Variants in NFAM1 observed in about 807,000 individuals in gnomAD.
NFAM1 encodes NFAT activation molecule 1.
In NFAM1, 17 loss-of-function variants were observed where a neutral mutation model predicts 29.0. The observed-to-expected ratio is 0.59, with a 90% CI of 0.40 to 0.88. The LOEUF (loss-of-function observed/expected upper bound fraction) is 0.88, where lower values mean the gene tolerates loss of function less well. Ranked by LOEUF, NFAM1 falls within the 40% of genes least tolerant of loss-of-function variation. The pLI, the probability that NFAM1 is intolerant of heterozygous loss-of-function variation, is 0.00. For synonymous variants in NFAM1, 175 were observed against 147.2 expected, an observed-to-expected ratio of 1.19 and a Z score of -1.36; for missense variants, 324 against 344.6, an observed-to-expected ratio of 0.94 and a Z score of 0.47.
Position 42,409,368 on chromosome 22 carries a change from G to A in NFAM1, c.564+67C>T. On this transcript the variant is annotated intron_variant, in intron 3 of 5. Transcript: ENST00000329021. The surrounding 1 kb of genome is among the most constrained non-coding windows in gnomAD (Gnocchi z 4.9). ...CAGGGCCCACCAAACGCCCTGCAGA[G>A]GGCAGGCGGGCAGCCGGTGGCGTGT... 1 of 839,240 alleles carries A rather than the reference G, an allele frequency of 1.2e-6. No individual in the cohort carries two copies. The highest frequency in any genetic ancestry group is 1.8e-6 in the Non-Finnish European group (1 of 556,078). 52.0% of individuals were successfully genotyped at this position (839,240 alleles called of 1,614,324 possible). A position where few individuals can be genotyped will look rare whatever the true frequency, so the allele number is the denominator to read the frequency against.
intron 1 of NFAM1, among the ~76,000 whole-genome samples, chr22:42,430,512 A>T (rs1310694959): frequency 7.2e-6 from 1 of 138,876 alleles, no homozygotes; most frequent in Non-Finnish European, 1.5e-5. Flanking sequence ...GTGAACCAAG[A>T]TGGCGCCATT....
Position 42,411,023 on chromosome 22 carries a change from T to C in NFAM1, c.451+384A>G, listed in dbSNP as rs909289836. ...ATTCTCTATTTCTTTTCTTTTCTTT[T>C]TTTTTTTTTTTTTTTTTTGAGATGG... On this transcript the variant is annotated intron_variant, in intron 2 of 5. Coordinates refer to ENST00000329021, the MANE Select transcript of NFAM1 (RefSeq NM_145912.8). Among the ~76,000 whole-genome samples the C allele has an allele frequency of 3.0e-4, 16 of 53,684 alleles. No individual in the cohort carries two copies. In the East Asian group the frequency reaches 3.0e-3, roughly 10 times the overall value. 35.2% of individuals were successfully genotyped at this position (53,684 alleles called of 152,430 possible).
At chr22:42,431,594 G>A (rs947311971) in intron 1 of NFAM1, among the ~76,000 whole-genome samples, 2 of 152,126 alleles carry the variant, frequency 1.3e-5, no homozygotes, top group East Asian at 1.9e-4. Context: ...CTCGGATCCC[G>A]GCCACCCAGC....
intron 2 of NFAM1, among the ~76,000 whole-genome samples, chr22:42,410,852 G>C (rs1930058418): frequency 6.6e-6 from 1 of 152,030 alleles, no homozygotes; most frequent in African/African-American, 2.4e-5. Context: ...AGCTCTTTTA[G>C]GTCACCTGCC....
intron 4 of NFAM1, among the ~76,000 whole-genome samples, chr22:42,396,979 G>T (rs894053750): frequency 7.5e-6 from 1 of 132,522 alleles, no homozygotes; most frequent in South Asian, 2.4e-4. Flanking sequence ...AACCTGCAGG[G>T]CCCCAGAAGG....
intron 5 of NFAM1, among the ~76,000 whole-genome samples, chr22:42,386,328 C>T (rs1400253910): frequency 6.6e-6 from 1 of 151,526 alleles, no homozygotes; most frequent in Non-Finnish European, 1.5e-5. Context: ...GAGCTGAGAT[C>T]GCGCCACTGC....
chr22:42,391,945 CAAAAAAA>C (rs58006775), intron 4 of NFAM1, among the ~76,000 whole-genome samples: 215 of 68,950 alleles, frequency 3.1e-3, no homozygotes, highest in African/African-American at 0.01. Context: ...GACTCTGTCT[CAAAAAAA>C]AAAAAAAAAA....
the NFAM1 span, among the ~76,000 whole-genome samples, chr22:42,437,407 T>G: frequency 6.6e-6 from 1 of 152,160 alleles, no homozygotes; most frequent in Non-Finnish European, 1.5e-5. Context: ...TCTCCCAAAG[T>G]GCTGGGATTA....
chr22:42,385,646 T>C (rs747464193), intron 5 of NFAM1, among the ~76,000 whole-genome samples: 1 of 140,114 alleles, frequency 7.1e-6, no homozygotes, highest in Non-Finnish European at 1.6e-5. Context: ...ACAACAGGGC[T>C]ACAAATGCCT....
At chr22:42,431,917 C>G (rs1019727591) in intron 1 of NFAM1, among the ~76,000 whole-genome samples, 3 of 152,146 alleles carry the variant, frequency 2.0e-5, no homozygotes, top group African/African-American at 7.2e-5. Context: ...TCCCTCCCCC[C>G]TGCCCCGCCC....
In NFAM1 at chr22:42,388,214, C is replaced by T. The variant is rs757990624; in HGVS notation, c.664-1136G>A. On this transcript the variant is annotated intron_variant, in intron 4 of 5. Coordinates refer to ENST00000329021, the MANE Select transcript of NFAM1 (RefSeq NM_145912.8). This position sits in a 1 kb window ranked among gnomAD's most constrained non-coding sequence, Gnocchi z 4.1. ...TAGGTTCGAATCTCGGCTCTGACTG[C>T]GCCAGCCAAAGGCAACCCCTTAACC... 1.3e-5 allele frequency among the ~76,000 whole-genome samples: 2 copies of T among 151,910 alleles called. No individual in the cohort carries two copies. The highest frequency in any genetic ancestry group is 6.6e-5 in the Admixed American group (1 of 15,258).
At chr22:42,436,658 C>T (rs1255792193), upstream of NFAM1, among the ~76,000 whole-genome samples, 1 of 152,218 alleles carries the variant, frequency 6.6e-6, no homozygotes, top group Non-Finnish European at 1.5e-5. Flanking sequence ...GGCTCTTAAG[C>T]ATTTGTTTGA....
At chr22:42,392,071 T>TCAGGATA (rs1004662343) in intron 4 of NFAM1, among the ~76,000 whole-genome samples, 5 of 151,938 alleles carry the variant, frequency 3.3e-5, no homozygotes, top group Non-Finnish European at 7.4e-5. Flanking sequence ...TTGGGAGTTG[T>TCAGGATA]CAGGATATAG....
At chr22:42,412,910 T>TC (rs1434383280) in intron 1 of NFAM1, among the ~76,000 whole-genome samples, 2 of 151,960 alleles carry the variant, frequency 1.3e-5, no homozygotes, top group Non-Finnish European at 2.9e-5. Flanking sequence ...GAGCCACCCC[T>TC]CCCCCCACTC....
Position 42,384,803 on chromosome 22 carries a change from C to T in NFAM1, c.*358G>A, listed in dbSNP as rs1883134898. On this transcript the variant is annotated 3_prime_UTR_variant, in exon 6 of 6. Transcript: ENST00000329021. ...CTACTGGCTGAGGTGCAGGCTGGTGCCAAGAGAGCATGCTGCTCTGTCAGC... is the reference window on the plus strand; with the variant it reads ...CTACTGGCTGAGGTGCAGGCTGGTGTCAAGAGAGCATGCTGCTCTGTCAGC... 1 of 344,492 alleles carries T rather than the reference C, an allele frequency of 2.9e-6. No individual in the cohort carries two copies. Among genetic ancestry groups the T allele is most frequent in the South Asian group, 3.0e-5 (1 of 33,202 alleles). 21.3% of individuals were successfully genotyped at this position (344,492 alleles called of 1,614,324 possible). A position where few individuals can be genotyped will look rare whatever the true frequency, so the allele number is the denominator to read the frequency against.
upstream of NFAM1, among the ~76,000 whole-genome samples, chr22:42,437,363 G>C (rs944232356): frequency 7.2e-5 from 11 of 152,030 alleles, no homozygotes; most frequent in African/African-American, 2.7e-4. Context: ...GGCTGGTCTC[G>C]AACTCCTGGC....
At position 42,402,996 on chromosome 22, in the gene NFAM1, G is replaced by A. The variant is rs192042376; in HGVS notation, c.565-5040C>T. ...ATTACAGGAGCCTACCACCATGCCC[G>A]GCTAATTTTTTTTTTGTATTTTTAG... On this transcript the variant is annotated intron_variant, in intron 3 of 5. Coordinates refer to ENST00000329021, the MANE Select transcript of NFAM1 (RefSeq NM_145912.8). Among the ~76,000 whole-genome samples the A allele has an allele frequency of 6.1e-3, 920 of 151,832 alleles. 6 individuals carry two copies. The highest frequency in any genetic ancestry group is 0.021 in the African/African-American group (884 of 41,442).
chr22:42,385,113 C>T lies in NFAM1; in HGVS notation c.*48G>A, dbSNP rs762421781. ...TCAAGTCCTTTGGTGGCAGGGGCTGCCCCGGTCCTCTGACCCAGGGCAAGC... is the reference window on the plus strand; with the variant it reads ...TCAAGTCCTTTGGTGGCAGGGGCTGTCCCGGTCCTCTGACCCAGGGCAAGC... On this transcript the variant is annotated 3_prime_UTR_variant, in exon 6 of 6. Transcript: ENST00000329021. 1.9e-5 allele frequency: 28 copies of T among 1,459,844 alleles called. No individual in the cohort carries two copies. The South Asian group carries it at 2.7e-4, about 14-fold the overall frequency. 90.4% of individuals were successfully genotyped at this position (1,459,844 alleles called of 1,614,324 possible).
At chr22:42,393,874 A>C (rs1021835752) in intron 4 of NFAM1, among the ~76,000 whole-genome samples, 1 of 151,976 alleles carries the variant, frequency 6.6e-6, no homozygotes, top group Non-Finnish European at 1.5e-5. Context: ...TATGGTTTTT[A>C]ATCCTTTTGA....
Sources: allele counts gnomAD v4.1 joint callset (sites outside exome capture counted in the v4.1 genomes callset), GRCh38; gene constraint gnomAD v4.1.1; non-coding constraint Gnocchi (gnomAD v3.1); transcripts MANE v1.5; gene names NCBI Gene and HGNC (gene_info 2026-07-23, HGNC 2026-07-21).